The following KCNH5 variants were observed in gnomAD, a reference collection of about 807,000 sequenced individuals.
KCNH5 encodes potassium voltage-gated channel subfamily H member 5.
KCNH5 carries 46 observed loss-of-function variants against 96.1 expected under a neutral mutation model. The observed-to-expected ratio is 0.48, with a 90% CI of 0.38 to 0.61. The LOEUF is 0.61. KCNH5 is among the 20% of genes least tolerant of loss of function. The pLI is 0.00. For synonymous variants in KCNH5, 439 were observed against 449.8 expected (o/e 0.98, Z 0.30); for missense variants, 907 against 1,225.8 (o/e 0.74, Z 3.88).
intron 7 of KCNH5, among the ~76,000 whole-genome samples, chr14:62,903,403 C>A (rs1393689428): frequency 6.6e-6 from 1 of 152,134 alleles, no homozygotes; most frequent in African/African-American, 2.4e-5. Flanking sequence ...AGACCCAATA[C>A]AGCGACTGTC....
chr14:63,037,379 C>T (rs1233027334), intron 1 of KCNH5, among the ~76,000 whole-genome samples: 1 of 152,026 alleles, frequency 6.6e-6, no homozygotes, highest in Non-Finnish European at 1.5e-5. Context: ...AGTGCTAGAT[C>T]CCTGCCTAGC....
chr14:62,772,212 T>C (rs78509367), intron 10 of KCNH5, among the ~76,000 whole-genome samples: 4 of 147,394 alleles, frequency 2.7e-5, no homozygotes, highest in Non-Finnish European at 5.9e-5. Flanking sequence ...CTTCCCTTCC[T>C]TTTTTTTTGA....
chr14:62,727,089 G>C (rs996711713), intron 10 of KCNH5, among the ~76,000 whole-genome samples: 39 of 152,316 alleles, frequency 2.6e-4, no homozygotes, highest in Middle Eastern at 3.4e-3. Flanking sequence ...GTAGGGGCAG[G>C]CAGAGTGGCT....
chr14:63,030,324 T>A (rs1289063394), intron 1 of KCNH5, among the ~76,000 whole-genome samples: 2 of 152,226 alleles, frequency 1.3e-5, no homozygotes, highest in East Asian at 3.8e-4. Flanking sequence ...TCAGAAGCTG[T>A]AATTTCACAA....
At chr14:63,028,932 T>C (rs572245727) in intron 1 of KCNH5, among the ~76,000 whole-genome samples, 1 of 152,244 alleles carries the variant, frequency 6.6e-6, no homozygotes, top group South Asian at 2.1e-4. Flanking sequence ...TCAAACCAAC[T>C]TAAAGTTTTT....
intron 7 of KCNH5, among the ~76,000 whole-genome samples, chr14:62,936,697 G>A (rs1209410555): frequency 3.1e-5 from 4 of 129,534 alleles, no homozygotes; most frequent in Non-Finnish European, 4.9e-5. Flanking sequence ...AAAAAAAAAG[G>A]CCAGGCACGG....
At chr14:62,805,244 T>A (rs1050550934) in intron 8 of KCNH5, among the ~76,000 whole-genome samples, 42 of 152,198 alleles carry the variant, frequency 2.8e-4, no homozygotes, top group Admixed American at 3.3e-4. Context: ...AGGATTCATG[T>A]TGCAAATGAA....
At chr14:62,804,289 A>G (rs1220065894) in intron 8 of KCNH5, among the ~76,000 whole-genome samples, 1 of 152,216 alleles carries the variant, frequency 6.6e-6, no homozygotes, top group Non-Finnish European at 1.5e-5. Context: ...GGAATGCCTA[A>G]CACAGCTTTA....
intron 7 of KCNH5, among the ~76,000 whole-genome samples, chr14:62,851,472 T>C (rs766192556): frequency 2.7e-5 from 4 of 147,866 alleles, no homozygotes; most frequent in Non-Finnish European, 6.0e-5. Flanking sequence ...ATTATGAAGT[T>C]TATTAAAAGA....
Position 62,933,166 on chromosome 14 carries a change from C to T in KCNH5, c.1369+16967G>A, listed in dbSNP as rs192000925. Among the ~76,000 whole-genome samples the T allele has an allele frequency of 7.9e-5, 12 of 152,030 alleles. No homozygotes were observed. In the East Asian group the frequency reaches 1.5e-3, roughly 20 times the overall value. On this transcript the variant is annotated intron_variant, in intron 7 of 10. Transcript: ENST00000322893. ...CCCTCCAGAGATAAAAAGTTATAACCGCCTAATGTGAGCATGATGAGGTTA... is the reference window on the plus strand; with the variant it reads ...CCCTCCAGAGATAAAAAGTTATAACTGCCTAATGTGAGCATGATGAGGTTA...
intron 6 of KCNH5, among the ~76,000 whole-genome samples, chr14:62,966,115 G>C (rs998637368): frequency 6.6e-6 from 1 of 152,140 alleles, no homozygotes; most frequent in Non-Finnish European, 1.5e-5. Context: ...AACTGAAGAT[G>C]ACTGATTTTT....
At chr14:62,757,927 C>A (rs1375134557) in intron 10 of KCNH5, among the ~76,000 whole-genome samples, 1 of 152,168 alleles carries the variant, frequency 6.6e-6, no homozygotes, top group African/African-American at 2.4e-5. Context: ...GGGTGGATCA[C>A]CTGAGGTCAG....
In KCNH5 at chr14:62,907,991, G is replaced by A. The variant is rs147364952; in HGVS notation, c.1369+42142C>T. ...AAGATACTTTCCCAAGCATCCCAAG[G>A]GTCTCCTTGACTCTCCATTATGAAT... On this transcript the variant is annotated intron_variant, in intron 7 of 10. Transcript: ENST00000322893. 4.6e-3 allele frequency among the ~76,000 whole-genome samples: 705 copies of A among 151,992 alleles called. 8 individuals carry two copies. Among genetic ancestry groups the A allele is most frequent in the African/African-American group, 0.016 (673 of 41,444 alleles).
intron 10 of KCNH5, among the ~76,000 whole-genome samples, chr14:62,758,448 C>T (rs188399842): frequency 9.8e-4 from 149 of 152,100 alleles, no homozygotes; most frequent in Admixed American, 2.2e-3. Flanking sequence ...AAAATTACCC[C>T]GGTGATTTGT....
intron 2 of KCNH5, among the ~76,000 whole-genome samples, chr14:63,016,218 T>C (rs998178725): frequency 2.0e-5 from 3 of 151,972 alleles, no homozygotes; most frequent in African/African-American, 7.2e-5. Flanking sequence ...TAGTTCCTTA[T>C]ATATAGTTTC....
chr14:62,930,736 AT>A (rs2140115561), intron 7 of KCNH5, among the ~76,000 whole-genome samples: 1 of 152,206 alleles, frequency 6.6e-6, no homozygotes, highest in East Asian at 1.9e-4. Context: ...TTCAGCCCTC[AT>A]TTTTTTAAAT....
chr14:62,976,797 GC>G (rs1225885230), intron 6 of KCNH5, among the ~76,000 whole-genome samples: 1 of 152,144 alleles, frequency 6.6e-6, no homozygotes, highest in Admixed American at 6.5e-5. Flanking sequence ...ATTATCTCTA[GC>G]CAAGAATATT....
rs1013269490 is a variant in KCNH5 at position 62,934,554 on chromosome 14, C to A, written c.1369+15579G>T. Reference sequence around the variant, plus strand: ...CCTCAGCATGATCGAGGATGAGGGACACACAGGTGCAGAGTGTTTTCAGTC... The same window carrying A: ...CCTCAGCATGATCGAGGATGAGGGAAACACAGGTGCAGAGTGTTTTCAGTC... On this transcript the variant is annotated intron_variant, in intron 7 of 10. Coordinates refer to ENST00000322893, the MANE Select transcript of KCNH5 (RefSeq NM_139318.5). Among the ~76,000 whole-genome samples, 3 of 152,260 alleles carry A rather than the reference C, an allele frequency of 2.0e-5. No homozygotes were observed. In the East Asian group the frequency reaches 5.8e-4, roughly 29 times the overall value.
intron 7 of KCNH5, among the ~76,000 whole-genome samples, chr14:62,855,609 T>C (rs1174714979): frequency 1.3e-5 from 2 of 152,224 alleles, no homozygotes; most frequent in African/African-American, 4.8e-5. Context: ...GGTTCTCAAT[T>C]GGGCAGAGGT....
Sources: allele counts gnomAD v4.1 joint callset (sites outside exome capture counted in the v4.1 genomes callset), GRCh38; gene constraint gnomAD v4.1.1; transcripts MANE v1.5; gene names NCBI Gene and HGNC (gene_info 2026-07-23, HGNC 2026-07-21).